The following CYRIA variants were observed in gnomAD, a reference collection of about 807,000 sequenced individuals.
CYRIA encodes the protein CYFIP-related Rac1 interactor A.
CYRIA carries 15 observed loss-of-function variants against 43.9 expected under a neutral mutation model. The ratio of observed to expected loss-of-function variants is 0.34; its 90% CI spans 0.23 to 0.53. The LOEUF (loss-of-function observed/expected upper bound fraction) is 0.53, where lower values mean the gene tolerates loss of function less well. CYRIA is among the 20% of genes least tolerant of loss of function. The pLI, the probability that CYRIA is intolerant of heterozygous loss-of-function variation, is 0.94. For missense variants in CYRIA, 236 were observed against 394.2 expected (o/e 0.60, Z 3.40); for synonymous variants, 117 against 136.0 (o/e 0.86, Z 0.97).
At chr2:16,639,696 C>T (rs559797968) in intron 1 of CYRIA, among the ~76,000 whole-genome samples, 2 of 152,364 alleles carry the variant, frequency 1.3e-5, no homozygotes, top group Non-Finnish European at 2.9e-5. Context: ...ATTGCTGCCA[C>T]TGGGGGGAAG....
intron 3 of CYRIA, among the ~76,000 whole-genome samples, chr2:16,579,540 A>G (rs1302920776): frequency 1.3e-5 from 2 of 152,298 alleles, no homozygotes; most frequent in Non-Finnish European, 2.9e-5. Flanking sequence ...AGCAAAATAC[A>G]TAACAAAAGC....
chr2:16,602,283 C>T (rs1280492187), intron 2 of CYRIA, among the ~76,000 whole-genome samples: 1 of 152,132 alleles, frequency 6.6e-6, no homozygotes, highest in Non-Finnish European at 1.5e-5. Context: ...TTTAGCCTCT[C>T]TGGTGCAAAG....
chr2:16,613,631 C>CTCTTAGTGGATAAGG (rs1668680171), intron 2 of CYRIA, among the ~76,000 whole-genome samples: 1 of 151,202 alleles, frequency 6.6e-6, no homozygotes, highest in Non-Finnish European at 1.5e-5. Flanking sequence ...AGTTAAGTAC[C>CTCTTAGTGGATAAGG]TTATCCACTA....
At chr2:16,558,291 GACTA>G (rs1173389643) in intron 10 of CYRIA, among the ~76,000 whole-genome samples, 4 of 152,094 alleles carry the variant, frequency 2.6e-5, no homozygotes, top group Admixed American at 6.6e-5. Flanking sequence ...GAAGAAACAT[GACTA>G]ACTATACTAC....
In CYRIA at chr2:16,580,106, C is replaced by T. The variant is rs182228718; in HGVS notation, c.70+7944G>A. Among the ~76,000 whole-genome samples the T allele has an allele frequency of 6.6e-5, 10 of 152,058 alleles. No individual in the cohort carries two copies. The East Asian group carries it at 1.9e-3, about 30-fold the overall frequency. ...GGGACTACAGGTGCATGCCACCATG[C>T]CTAATTAATTTTTGTATTTTTTGTA... On this transcript the variant is annotated intron_variant, in intron 3 of 11. Coordinates refer to ENST00000381323, the MANE Select transcript of CYRIA (RefSeq NM_030797.4).
chr2:16,614,392 T>C (rs1668708052), intron 2 of CYRIA, among the ~76,000 whole-genome samples: 1 of 152,204 alleles, frequency 6.6e-6, no homozygotes, highest in African/African-American at 2.4e-5. Flanking sequence ...GCACAAAGTT[T>C]ATCTCTGAAT....
chr2:16,553,119 C>T (rs528413843), intron 11 of CYRIA, 120 bp from the exon 12 acceptor site: 3 of 705,160 alleles, frequency 4.3e-6, no homozygotes, highest in East Asian at 5.2e-5. Flanking sequence ...CAAAAATCCA[C>T]ACTTCAATGC....
At chr2:16,558,489 G>A (rs1312287913) in intron 10 of CYRIA, among the ~76,000 whole-genome samples, 1 of 152,126 alleles carries the variant, frequency 6.6e-6, no homozygotes, top group Non-Finnish European at 1.5e-5. Flanking sequence ...CTATACTGGA[G>A]TAAGTAAGTT....
intron 2 of CYRIA, among the ~76,000 whole-genome samples, chr2:16,616,459 G>A (rs2103499448): frequency 6.6e-6 from 1 of 152,176 alleles, no homozygotes; most frequent in Admixed American, 6.5e-5. Flanking sequence ...CTGACTCCAG[G>A]CCTCTCACTC....
At chr2:16,565,957 T>C in intron 3 of CYRIA, among the ~76,000 whole-genome samples, 190 bp from the exon 4 acceptor site, 1 of 152,176 alleles carries the variant, frequency 6.6e-6, no homozygotes, top group Non-Finnish European at 1.5e-5. Context: ...CATTACTCAG[T>C]TTAAAATAGT....
chr2:16,590,376 G>A (rs1667884873), intron 2 of CYRIA, among the ~76,000 whole-genome samples: 1 of 152,132 alleles, frequency 6.6e-6, no homozygotes, highest in Admixed American at 6.5e-5. Context: ...CTTCTTGTAG[G>A]AAGATGATTT....
chr2:16,599,738 G>A (rs530660655), intron 2 of CYRIA, among the ~76,000 whole-genome samples: 3 of 152,024 alleles, frequency 2.0e-5, no homozygotes, highest in South Asian at 4.2e-4. Flanking sequence ...GTTCCTATTC[G>A]GCCATCTTGG....
chr2:16,630,637 G>T (rs1251523312), intron 1 of CYRIA, among the ~76,000 whole-genome samples: 1 of 152,112 alleles, frequency 6.6e-6, no homozygotes, highest in African/African-American at 2.4e-5. Context: ...CAACCGCTGG[G>T]GTGGGTTCCT....
rs568843392 is a variant in CYRIA at position 16,644,016 on chromosome 2, T to A, written c.-166-19997A>T. Among the ~76,000 whole-genome samples, 16 of 152,262 alleles carry A rather than the reference T, an allele frequency of 1.1e-4. No individual in the cohort carries two copies. The East Asian group carries it at 1.9e-3, about 18-fold the overall frequency. The stretch of plus-strand genomic sequence containing the variant: ...GGCATAATAAAGGCCACTCCTCAAC[T>A]CTCTGTGCCAACATCTCAGGGCTCT... On this transcript the variant is annotated intron_variant, in intron 1 of 11. Coordinates refer to ENST00000381323, the MANE Select transcript of CYRIA (RefSeq NM_030797.4).
At chr2:16,592,784 C>T (rs1466362999) in intron 2 of CYRIA, among the ~76,000 whole-genome samples, 1 of 151,946 alleles carries the variant, frequency 6.6e-6, no homozygotes, top group African/African-American at 2.4e-5. Context: ...ATGACTTTTT[C>T]CTTGTTTTTC....
chr2:16,555,814 T>A (rs909519081), intron 10 of CYRIA, among the ~76,000 whole-genome samples: 1 of 152,126 alleles, frequency 6.6e-6, no homozygotes, highest in Non-Finnish European at 1.5e-5. Flanking sequence ...GAGGTCCAAG[T>A]CTATGTCTCA....
intron 3 of CYRIA, among the ~76,000 whole-genome samples, chr2:16,579,144 C>T (rs1276864078): frequency 6.6e-6 from 1 of 152,178 alleles, no homozygotes; most frequent in Non-Finnish European, 1.5e-5. Context: ...CAAACAATAA[C>T]TGCAACTCCA....
Position 16,551,099 on chromosome 2 carries a change from G to T in CYRIA, c.*1837C>A, listed in dbSNP as rs1175855585. 7.9e-5 allele frequency: 12 copies of T among 152,256 alleles called. No individual in the cohort carries two copies. Among genetic ancestry groups the T allele is most frequent in the Admixed American group, 1.3e-4 (2 of 15,282 alleles). 9.4% of individuals were successfully genotyped at this position (152,256 alleles called of 1,614,324 possible). ...TCAACTTGAAAATCTCCAAGGAAAA[G>T]AGCCTTTTCCTTCTGTTGACTAATG... On this transcript the variant is annotated 3_prime_UTR_variant, in exon 12 of 12. Coordinates refer to ENST00000381323, the MANE Select transcript of CYRIA (RefSeq NM_030797.4).
intron 3 of CYRIA, among the ~76,000 whole-genome samples, chr2:16,567,273 G>A (rs1441718649): frequency 1.3e-5 from 2 of 151,962 alleles, no homozygotes; most frequent in African/African-American, 4.8e-5. Flanking sequence ...GCATGGTGGT[G>A]CATGCCTGTA....
Sources: gnomAD v4.1 joint callset for allele counts (sites outside exome capture counted in the v4.1 genomes callset) on GRCh38, gnomAD v4.1.1 for gene constraint, MANE v1.5 for transcripts, NCBI Gene and HGNC (gene_info 2026-07-23, HGNC 2026-07-21) for gene names.